The following DLG3 variants were observed in gnomAD, a reference collection of about 807,000 sequenced individuals.
DLG3 encodes the protein discs large MAGUK scaffold protein 3, also known as disks large homolog 3.
A neutral mutation model predicts 64.1 loss-of-function variants in DLG3; 1 was observed. The observed-to-expected ratio is 0.02, with a 90% CI of 0.01 to 0.07. DLG3 has a LOEUF of 0.07. DLG3 is among the 10% of genes least tolerant of loss of function. The pLI is 1.00. For synonymous variants in DLG3, 245 were observed against 259.8 expected (o/e 0.94, Z 0.55); for missense variants, 429 against 669.5 (o/e 0.64, Z 3.96).
At chrX:70,491,686 A>G (rs1374343715) in intron 10 of DLG3, among the ~76,000 whole-genome samples, 1 of 111,714 alleles carries the variant, frequency 9.0e-6, no homozygotes, top group Admixed American at 9.5e-5. Flanking sequence ...TTTACCAGTC[A>G]TTGTTTGGGA....
chrX:70,465,895 A>G (rs1470473795), intron 9 of DLG3, among the ~76,000 whole-genome samples: 1 of 111,889 alleles, frequency 8.9e-6, no homozygotes, highest in East Asian at 2.8e-4. Flanking sequence ...GAACATTTAG[A>G]TTATTTCCAA....
intron 10 of DLG3, among the ~76,000 whole-genome samples, chrX:70,486,228 C>G (rs2087251355): frequency 8.9e-6 from 1 of 111,876 alleles, no homozygotes; most frequent in African/African-American, 3.2e-5. Flanking sequence ...TGAAAAGTTC[C>G]AGGAATACCC....
intron 12 of DLG3, chrX:70,493,326 G>GTTTTTTTTTT (rs749847726): frequency 4.4e-6 from 4 of 901,609 alleles, no homozygotes; most frequent in Non-Finnish European, 4.6e-6. Context: ...CCATTGTTCT[G>GTTTTTTTTTT]TTTTTTTTTT....
chrX:70,464,710 C>T (rs1278432305), intron 9 of DLG3, among the ~76,000 whole-genome samples: 1 of 111,864 alleles, frequency 8.9e-6, no homozygotes, highest in Non-Finnish European at 1.9e-5. Context: ...AATTCCAGCA[C>T]TTTGGGAGGC....
In DLG3 at chrX:70,498,556, T is replaced by C. The variant is rs2087497514; in HGVS notation, c.1856T>C (p.Val619Ala). 1 of 1,206,765 alleles carries C rather than the reference T, an allele frequency of 8.3e-7. No individual in the cohort carries two copies. The highest frequency in any genetic ancestry group is 1.7e-5 in the African/African-American group (1 of 57,230). ...GATGCTATTTTGTCATATGAGCCAG[T>C]GACACGGCAAGAAAGTAAGCCTCCT... is the stretch of plus-strand genomic sequence containing the variant. The part of the protein sequence containing the change: ...QEDAILSYEP[V>A]TRQEIHYARP... The change falls in exon 14 of 19, where the codon GTG becomes GCG. Residue 619 changes from valine to alanine, a missense_variant. Physicochemically the swap from Val to Ala is moderately conservative, Grantham distance 64. Transcript: ENST00000374360.
At chrX:70,449,232 C>T in intron 2 of DLG3, 127 bp from the exon 3 acceptor site, 1 of 1,005,726 alleles carries the variant, frequency 9.9e-7, no homozygotes, top group Non-Finnish European at 1.4e-6. Context: ...CAAATGTGCC[C>T]AGCCTGCCAT....
intron 7 of DLG3, chrX:70,452,629 G>C (rs2086633419): frequency 8.4e-7 from 1 of 1,186,207 alleles, no homozygotes; most frequent in African/African-American, 1.8e-5. Context: ...GCTATGGAGA[G>C]GGCCCGCAAG....
At chrX:70,467,404 C>T (rs1014436972) in intron 9 of DLG3, among the ~76,000 whole-genome samples, 3 of 112,143 alleles carry the variant, frequency 2.7e-5, no homozygotes, top group African/African-American at 9.7e-5. Flanking sequence ...CACACACACA[C>T]GATTTGGACT....
chrX:70,446,233 A>C (rs1276240500), intron 1 of DLG3, among the ~76,000 whole-genome samples: 6 of 109,169 alleles, frequency 5.5e-5, no homozygotes, highest in Admixed American at 4.8e-4. Flanking sequence ...TGGCTGCAAG[A>C]GTGTGCACGC....
At chrX:70,490,922 T>C (rs1020871045) in intron 10 of DLG3, among the ~76,000 whole-genome samples, 1 of 110,640 alleles carries the variant, frequency 9.0e-6, no homozygotes, top group Non-Finnish European at 1.9e-5. Flanking sequence ...TTTTTGGCTT[T>C]TTTTTTTTGA....
intron 9 of DLG3, among the ~76,000 whole-genome samples, chrX:70,460,217 A>G (rs953333615): frequency 2.0e-5 from 2 of 98,302 alleles, no homozygotes; most frequent in Non-Finnish European, 4.0e-5. Flanking sequence ...CGGGAGGTGG[A>G]GGTTGCAGTG....
intron 6 of DLG3, among the ~76,000 whole-genome samples, chrX:70,451,663 A>G (rs768795346): frequency 8.0e-5 from 9 of 111,852 alleles, no homozygotes; most frequent in African/African-American, 2.6e-4. Flanking sequence ...TAAGACTCAC[A>G]GGAGTGAGCC....
Position 70,449,004 on chromosome X carries a change from G to C in DLG3, c.408+41G>C, listed in dbSNP as rs143291943. ...GGGAAAAGCGGAAAGGGAAGGAGAG[G>C]GTTGGAGCCAGGATAAGGGAGACCC... On this transcript the variant is annotated intron_variant, in intron 2 of 18. Coordinates refer to ENST00000374360, the MANE Select transcript of DLG3 (RefSeq NM_021120.4). 4.6e-5 allele frequency: 54 copies of C among 1,178,905 alleles called. No homozygotes were observed. The African/African-American group carries it at 7.8e-4, about 17-fold the overall frequency.
intron 10 of DLG3, among the ~76,000 whole-genome samples, chrX:70,491,730 A>G (rs2087362406): frequency 8.9e-6 from 1 of 112,067 alleles, no homozygotes. Flanking sequence ...CTCTTTAGCT[A>G]CTTTTTGAAG....
Position 70,444,872 on chromosome X carries a change from C to G in DLG3, c.-330C>G, listed in dbSNP as rs772631798. On this transcript the variant is annotated 5_prime_UTR_variant, in exon 1 of 19. Transcript: ENST00000374360. ...TCCATCCTGGGGACCAGAGCAGAAG[C>G]GGTCCTCACAGCACCCATTCTCTGC... is the stretch of plus-strand genomic sequence containing the variant. The G allele has an allele frequency of 6.6e-6, 1 of 152,198 alleles. No individual in the cohort carries two copies. Among genetic ancestry groups the G allele is most frequent in the Non-Finnish European group, 1.3e-5 (1 of 79,192 alleles). 12.5% of individuals were successfully genotyped at this position (152,198 alleles called of 1,213,427 possible).
intron 15 of DLG3, 137 bp from the exon 16 acceptor site, chrX:70,499,740 T>G (rs2087521558): frequency 1.5e-5 from 9 of 593,264 alleles, no homozygotes; most frequent in African/African-American, 2.3e-5. Flanking sequence ...CCCAACTGCT[T>G]GTTTTCTCCC....
rs2087603169 is a variant in DLG3 at position 70,503,541 on chromosome X, G to A, written c.*1272G>A. On this transcript the variant is annotated 3_prime_UTR_variant, in exon 19 of 19. Coordinates refer to ENST00000374360, the MANE Select transcript of DLG3 (RefSeq NM_021120.4). ...GTCACTTGCCTTCCAGTTCTGTGCT[G>A]GGATGGCGGGACAGCACTTGGCTTG... is the stretch of plus-strand genomic sequence containing the variant. 9.0e-6 allele frequency: 1 copy of A among 111,574 alleles called. No homozygotes were observed. Among genetic ancestry groups the A allele is most frequent in the Non-Finnish European group, 1.9e-5 (1 of 53,053 alleles). 9.2% of individuals were successfully genotyped at this position (111,574 alleles called of 1,213,427 possible).
intron 9 of DLG3, among the ~76,000 whole-genome samples, chrX:70,462,553 C>T (rs146532755): frequency 2.0e-3 from 223 of 111,845 alleles, no homozygotes; most frequent in African/African-American, 6.9e-3. Flanking sequence ...CCACCATACC[C>T]GGCCACTTGA....
At chrX:70,464,219 C>CT (rs371772012) in intron 9 of DLG3, among the ~76,000 whole-genome samples, 20 of 72,239 alleles carry the variant, frequency 2.8e-4, no homozygotes, top group Non-Finnish European at 7.6e-5. Flanking sequence ...CCTTTCCTTT[C>CT]CTTTCCTTTC....
Sources: gnomAD v4.1 joint callset for allele counts (sites outside exome capture counted in the v4.1 genomes callset) on GRCh38, gnomAD v4.1.1 for gene constraint, MANE v1.5 for transcripts, NCBI Gene and HGNC (gene_info 2026-07-23, HGNC 2026-07-21) for gene names.